The following RLBP1 variants were observed in gnomAD, a reference collection of about 807,000 sequenced individuals.
RLBP1 encodes retinaldehyde binding protein 1.
In RLBP1, 26 loss-of-function variants were observed where a neutral mutation model predicts 36.2. That is an observed-to-expected ratio of 0.72 (90% confidence interval 0.53 to 1.00). The LOEUF is 1.00. RLBP1 is among the 50% of genes least tolerant of loss of function. The probability of loss-of-function intolerance (pLI) is 0.00; values close to 1 mark genes in which losing one functional copy is unlikely to be tolerated. For synonymous variants in RLBP1, 155 were observed against 156.2 expected, an observed-to-expected ratio of 0.99 and a Z score of 0.06; for missense variants, 410 against 402.4, an observed-to-expected ratio of 1.02 and a Z score of -0.16.
rs2051533128 is a variant in RLBP1 at position 89,210,945 on chromosome 15, C to A, written c.685-136G>T. 6 of 631,096 alleles carry A rather than the reference C, an allele frequency of 9.5e-6. No homozygotes were observed. In the Admixed American group the frequency reaches 1.4e-4, roughly 14 times the overall value. 39.1% of individuals were successfully genotyped at this position (631,096 alleles called of 1,614,324 possible). A position where few individuals can be genotyped will look rare whatever the true frequency, so the allele number is the denominator to read the frequency against. ...CAGGGCTGCCCTGGAGAAGGGCCCACTGAAGGTCCTATTTCCAGGCCAGCA... is the reference window on the plus strand; with the variant it reads ...CAGGGCTGCCCTGGAGAAGGGCCCAATGAAGGTCCTATTTCCAGGCCAGCA... On this transcript the variant is annotated intron_variant, in intron 7 of 8. Transcript: ENST00000268125. This position sits in a 1 kb window ranked among gnomAD's most constrained non-coding sequence, Gnocchi z 4.7.
rs1419019198 is a variant in RLBP1, at chr15:89,211,056, A to G, written c.685-247T>C. On this transcript the variant is annotated intron_variant, in intron 7 of 8. Transcript: ENST00000268125. This position sits in a 1 kb window ranked among gnomAD's most constrained non-coding sequence, Gnocchi z 5.8. ...GACCCAACCCTCTCCCTGCTGATGC[A>G]AATTAAACTGGGAATTAGGAAAAGA... Among the ~76,000 whole-genome samples, 2 of 152,220 alleles carry G rather than the reference A, an allele frequency of 1.3e-5. No homozygotes were observed. Among genetic ancestry groups the G allele is most frequent in the Admixed American group, 6.5e-5 (1 of 15,284 alleles).
At chr15:89,216,545 C>T (rs1441044952) in intron 5 of RLBP1, among the ~76,000 whole-genome samples, 1 of 152,196 alleles carries the variant, frequency 6.6e-6, no homozygotes, top group Non-Finnish European at 1.5e-5. Context: ...TGGTCTCAAA[C>T]CCCCGACTTC....
rs201212675 is a variant in RLBP1, at chr15:89,215,098, T to C, written c.487A>G (p.Ile163Val). The change falls in exon 6 of 9, where the codon ATT becomes GTT. Residue 163 changes from isoleucine (I) to valine (V), a missense_variant. Transcript: ENST00000268125. ...KYGRVVMLFNIENWQSQEITF... is the reference protein window; with the variant it reads ...KYGRVVMLFNVENWQSQEITF... ...ATTTCTTGACTTTGCCAGTTCTCAA[T>C]GTTGAAGAGCATGACCACTCGGCCA... The C allele has an allele frequency of 5.0e-5, 80 of 1,614,094 alleles. No homozygotes were observed. The African/African-American group carries it at 7.5e-4, about 15-fold the overall frequency.
At chr15:89,221,042 T>C (rs1358427082) in intron 1 of RLBP1, among the ~76,000 whole-genome samples, 1 of 150,786 alleles carries the variant, frequency 6.6e-6, no homozygotes, top group African/African-American at 2.4e-5. Flanking sequence ...AGTTTTGTTC[T>C]TGTCGCCCAG....
chr15:89,216,483 C>T (rs2854518), intron 5 of RLBP1, among the ~76,000 whole-genome samples: 34,366 of 152,084 alleles, frequency 0.23, 4,616 homozygotes, highest in South Asian at 0.39. Flanking sequence ...CCACCACGCC[C>T]GGCTAGTTTT....
chr15:89,213,958 A>G (rs1335827356), intron 6 of RLBP1, among the ~76,000 whole-genome samples: 1 of 152,232 alleles, frequency 6.6e-6, no homozygotes. Context: ...TAGCCCTAAC[A>G]GATTAAACAT....
intron 6 of RLBP1, among the ~76,000 whole-genome samples, chr15:89,212,319 C>T (rs1254028195): frequency 2.0e-5 from 3 of 152,094 alleles, no homozygotes; most frequent in African/African-American, 4.8e-5. Flanking sequence ...CGGTGGCTCA[C>T]GCCTATAATC....
chr15:89,211,937 C>T lies in RLBP1; in HGVS notation c.526-36G>A. Reference sequence around the variant, plus strand: ...GAGAGAACAGGCTGTAAGATCTAACCCGCAACAATAATTAAGGCTTGAGGT... The same window carrying T: ...GAGAGAACAGGCTGTAAGATCTAACTCGCAACAATAATTAAGGCTTGAGGT... On this transcript the variant is annotated intron_variant, in intron 6 of 8. Transcript: ENST00000268125. This position sits in a 1 kb window ranked among gnomAD's most constrained non-coding sequence, Gnocchi z 5.8. The T allele has an allele frequency of 6.2e-7, 1 of 1,611,922 alleles. No individual in the cohort carries two copies. The highest frequency in any genetic ancestry group is 8.5e-7 in the Non-Finnish European group (1 of 1,178,626).
rs1041523529 is a variant in RLBP1, at chr15:89,214,197, A to T, written c.525+863T>A. Reference sequence around the variant, plus strand: ...TAGTTTGGGCCAGGTGCGGTGTCTTATGCCTGTAATCCCAGCACTTTGGGA... The same window carrying T: ...TAGTTTGGGCCAGGTGCGGTGTCTTTTGCCTGTAATCCCAGCACTTTGGGA... On this transcript the variant is annotated intron_variant, in intron 6 of 8. Coordinates refer to ENST00000268125, the MANE Select transcript of RLBP1 (RefSeq NM_000326.5). The surrounding 1 kb of genome is among the most constrained non-coding windows in gnomAD (Gnocchi z 4.6). 6.6e-6 allele frequency among the ~76,000 whole-genome samples: 1 copy of T among 152,196 alleles called. No individual in the cohort carries two copies. The highest frequency in any genetic ancestry group is 1.5e-5 in the Non-Finnish European group (1 of 68,032).
At chr15:89,217,857 G>A (rs1355005051) in intron 4 of RLBP1, among the ~76,000 whole-genome samples, 1 of 152,164 alleles carries the variant, frequency 6.6e-6, no homozygotes, top group Admixed American at 6.5e-5. Context: ...CCTGCCCAGA[G>A]CCTCACATTC....
Position 89,217,159 on chromosome 15 carries a change from G to A in RLBP1, c.307C>T (p.Arg103Trp), listed in dbSNP as rs200725857. The A allele has an allele frequency of 2.5e-6, 4 of 1,613,932 alleles. No homozygotes were observed. The highest frequency in any genetic ancestry group is 1.3e-5 in the African/African-American group (1 of 74,928). ...SGFFLRFIRA[R>W]KFNVGRAYEL... ...TAGGCACGGCCCACGTTGAACTTCC[G>A]TGCGCGGATGAAGCGCAGGAAGAAG... The change falls in exon 5 of 9, where the codon CGG becomes TGG. Residue 103 changes from arginine (R) to tryptophan (W), a missense_variant. By Grantham distance (101) the Arg-to-Trp change is moderately radical (BLOSUM62 -3). Transcript: ENST00000268125.
At position 89,211,489 on chromosome 15, in the gene RLBP1, T is replaced by A. The variant is rs536484182; in HGVS notation, c.684+254A>T. On this transcript the variant is annotated intron_variant, in intron 7 of 8. Transcript: ENST00000268125. The surrounding 1 kb of genome is among the most constrained non-coding windows in gnomAD (Gnocchi z 5.8). ...TCTCTTAAATCTCTGAGCCTTCGTTTCCAGGTTTGAAAAATGAAGCAGGGA... is the reference window on the plus strand; with the variant it reads ...TCTCTTAAATCTCTGAGCCTTCGTTACCAGGTTTGAAAAATGAAGCAGGGA... Among the ~76,000 whole-genome samples the A allele has an allele frequency of 6.6e-6, 1 of 152,154 alleles. No homozygotes were observed. The highest frequency in any genetic ancestry group is 2.4e-5 in the African/African-American group (1 of 41,414).
At position 89,218,761 on chromosome 15, in the gene RLBP1, T is replaced by C; in HGVS notation, c.13-68A>G. 3 of 1,607,496 alleles carry C rather than the reference T, an allele frequency of 1.9e-6. No individual in the cohort carries two copies. The highest frequency in any genetic ancestry group is 2.5e-6 in the Non-Finnish European group (3 of 1,178,324). ...CCTGAGCCAGCCAGGGAAATGGGCC[T>C]GCTCAGACCTTCAGTTCTTTTGCCC... On this transcript the variant is annotated intron_variant, in intron 3 of 8. Coordinates refer to ENST00000268125, the MANE Select transcript of RLBP1 (RefSeq NM_000326.5). The surrounding 1 kb of genome is among the most constrained non-coding windows in gnomAD (Gnocchi z 4.6).
Position 89,214,975 on chromosome 15 carries a change from A to C in RLBP1, c.525+85T>G. On this transcript the variant is annotated intron_variant, in intron 6 of 8. Transcript: ENST00000268125. The surrounding 1 kb of genome is among the most constrained non-coding windows in gnomAD (Gnocchi z 4.6). ...CCTCTACAGACCTTGCCTCCTGGAG[A>C]ACCAGGAATGAGGGCCCAGTAGAGG... 3 of 1,403,954 alleles carry C rather than the reference A, an allele frequency of 2.1e-6. No homozygotes were observed. Among genetic ancestry groups the C allele is most frequent in the Non-Finnish European group, 3.0e-6 (3 of 990,586 alleles). 87.0% of individuals were successfully genotyped at this position (1,403,954 alleles called of 1,614,324 possible). A position where few individuals can be genotyped will look rare whatever the true frequency, so the allele number is the denominator to read the frequency against.
Position 89,214,144 on chromosome 15 carries a change from G to A in RLBP1, c.525+916C>T, listed in dbSNP as rs2150969975. On this transcript the variant is annotated intron_variant, in intron 6 of 8. Transcript: ENST00000268125. This position sits in a 1 kb window ranked among gnomAD's most constrained non-coding sequence, Gnocchi z 4.6. ...GATGGACTTTTTAATAAATTGTGTT[G>A]GCACAACTAGATAGCATTATCTAAA... Among the ~76,000 whole-genome samples the A allele has an allele frequency of 1.3e-5, 2 of 152,258 alleles. No individual in the cohort carries two copies. The highest frequency in any genetic ancestry group is 4.1e-4 in the South Asian group (2 of 4,826).
intron 5 of RLBP1, among the ~76,000 whole-genome samples, chr15:89,215,884 T>A (rs2051575902): frequency 6.6e-6 from 1 of 152,232 alleles, no homozygotes; most frequent in African/African-American, 2.4e-5. Context: ...GTCTTTGCTG[T>A]TGCCTCTGCC....
At chr15:89,212,038 C>T (rs1438808169) in intron 6 of RLBP1, 137 bp from the exon 7 acceptor site, 1 of 881,398 alleles carries the variant, frequency 1.1e-6, no homozygotes, top group Non-Finnish European at 1.8e-6. Context: ...CATTCCACTT[C>T]TGTGAATGTA....
At position 89,216,580 on chromosome 15, in the gene RLBP1, G is replaced by A. The variant is rs369131369; in HGVS notation, c.346+540C>T. On this transcript the variant is annotated intron_variant, in intron 5 of 8. Coordinates refer to ENST00000268125, the MANE Select transcript of RLBP1 (RefSeq NM_000326.5). ...CAGATGATCTGCCCGCCTTGGCCTC[G>A]CAAAGTGCTGGGATTACAGGCGTGA... Among the ~76,000 whole-genome samples, 23 of 152,222 alleles carry A rather than the reference G, an allele frequency of 1.5e-4. No individual in the cohort carries two copies. The East Asian group carries it at 3.3e-3, about 22-fold the overall frequency.
chr15:89,219,788 AG>A lies in RLBP1; in HGVS notation c.-153del, dbSNP rs1252686191. 2.6e-5 allele frequency: 4 copies of A among 152,324 alleles called. No homozygotes were observed. Among genetic ancestry groups the A allele is most frequent in the African/African-American group, 9.7e-5 (4 of 41,442 alleles). The allele number at this position is 152,324 out of a possible 1,614,324, so 9.4% of individuals were successfully genotyped here. A position where few individuals can be genotyped will look rare whatever the true frequency, so the allele number is the denominator to read the frequency against. On this transcript the variant is annotated 5_prime_UTR_variant, in exon 2 of 9. Coordinates refer to ENST00000268125, the MANE Select transcript of RLBP1 (RefSeq NM_000326.5). ...AAGAGGCAGCCTGCTGTGGCGCAAA[AG>A]TTGGACCTGGGTTCAAGTTCTTCTC...
Sources: allele counts gnomAD v4.1 joint callset (sites outside exome capture counted in the v4.1 genomes callset), GRCh38; gene constraint gnomAD v4.1.1; non-coding constraint Gnocchi (gnomAD v3.1); transcripts MANE v1.5; gene names NCBI Gene and HGNC (gene_info 2026-07-23, HGNC 2026-07-21).